Variants in WAC observed in about 807,000 individuals in gnomAD.
The protein encoded by WAC is WW domain containing adaptor with coiled-coil.
In WAC, 11 loss-of-function variants were observed where a neutral mutation model predicts 79.6. The ratio of observed to expected loss-of-function variants is 0.14; its 90% CI spans 0.09 to 0.23. The LOEUF is 0.23. WAC is among the 10% of genes least tolerant of loss of function. The pLI is 1.00. For synonymous variants in WAC, 304 were observed against 276.9 expected, an observed-to-expected ratio of 1.10 and a Z score of -0.97; for missense variants, 728 against 773.5, an observed-to-expected ratio of 0.94 and a Z score of 0.70.
intron 7 of WAC, among the ~76,000 whole-genome samples, chr10:28,605,515 A>T (rs1237065414): frequency 6.6e-6 from 1 of 152,236 alleles, no homozygotes; most frequent in East Asian, 1.9e-4. Context: ...CTTGCCCAAG[A>T]GTCCCATAAA....
rs577530918 is a variant in WAC at position 28,621,010 on chromosome 10, T to C, written c.*1404T>C. On this transcript the variant is annotated 3_prime_UTR_variant, in exon 14 of 14. Coordinates refer to ENST00000354911, the MANE Select transcript of WAC (RefSeq NM_016628.5). ...GCTACTATAAAATTACCTTGACTTT[T>C]TTTTTCCTTTGCTGAAATATTAGTC... 1.1e-4 allele frequency: 17 copies of C among 152,130 alleles called. No homozygotes were observed. Among genetic ancestry groups the C allele is most frequent in the Non-Finnish European group, 2.1e-4 (14 of 68,026 alleles). The allele number at this position is 152,130 out of a possible 1,614,324, so 9.4% of individuals were successfully genotyped here.
chr10:28,601,929 T>G (rs536801243), intron 7 of WAC, among the ~76,000 whole-genome samples: 1 of 152,182 alleles, frequency 6.6e-6, no homozygotes, highest in Non-Finnish European at 1.5e-5. Context: ...AGTTTCTGTT[T>G]GGGAAGATGA....
chr10:28,546,641 A>G (rs1483506900), intron 3 of WAC, among the ~76,000 whole-genome samples: 1 of 152,204 alleles, frequency 6.6e-6, no homozygotes, highest in Non-Finnish European at 1.5e-5. Context: ...TTTTTGTGTA[A>G]TTATGAGAGT....
chr10:28,562,110 T>G (rs1322098347), intron 3 of WAC, among the ~76,000 whole-genome samples: 1 of 152,160 alleles, frequency 6.6e-6, no homozygotes, highest in Non-Finnish European at 1.5e-5. Flanking sequence ...CAGGTTGGAG[T>G]GCAGTGGCGC....
Position 28,622,666 on chromosome 10 carries a change from TTAG to T in WAC, c.*3065_*3067del, listed in dbSNP as rs1331484676. The T allele has an allele frequency of 3.3e-5, 5 of 152,114 alleles. No individual in the cohort carries two copies. The highest frequency in any genetic ancestry group is 7.4e-5 in the Non-Finnish European group (5 of 68,012). 9.4% of individuals were successfully genotyped at this position (152,114 alleles called of 1,614,324 possible). On this transcript the variant is annotated 3_prime_UTR_variant, in exon 14 of 14. Transcript: ENST00000354911. ...ATTATGCTTCTTTTAACAGTCCAAA[TTAG>T]TAGTTTTATTTTTCTTCTAAATCTT...
chr10:28,622,832 C>T lies in WAC; in HGVS notation c.*3226C>T, dbSNP rs945310933. On this transcript the variant is annotated 3_prime_UTR_variant, in exon 14 of 14. Transcript: ENST00000354911. ...CTGTTTGAAAGGGGAGAGGGCAACGCGGGAAATAATTCACTCTGCGCACCG... is the reference window on the plus strand; with the variant it reads ...CTGTTTGAAAGGGGAGAGGGCAACGTGGGAAATAATTCACTCTGCGCACCG... 1.9e-4 allele frequency: 29 copies of T among 152,200 alleles called. No individual in the cohort carries two copies. The highest frequency in any genetic ancestry group is 6.5e-4 in the African/African-American group (27 of 41,524). 9.4% of individuals were successfully genotyped at this position (152,200 alleles called of 1,614,324 possible). A position where few individuals can be genotyped will look rare whatever the true frequency, so the allele number is the denominator to read the frequency against.
intron 1 of WAC, 140 bp from the exon 2 acceptor site, chr10:28,533,858 G>C (rs545823465): frequency 1.7e-6 from 2 of 1,144,014 alleles, no homozygotes; most frequent in African/African-American, 3.2e-5. Flanking sequence ...CCGGGTTTGT[G>C]CCGTGTGCGT....
intron 10 of WAC, 62 bp from the exon 11 acceptor site, chr10:28,614,505 A>AT (rs1841392411): frequency 1.5e-6 from 2 of 1,319,082 alleles, no homozygotes; most frequent in African/African-American, 2.9e-5. Context: ...GATTACCTAG[A>AT]TTTTGGGGGG....
chr10:28,563,810 C>T (rs1251314993), intron 3 of WAC, among the ~76,000 whole-genome samples: 1 of 136,814 alleles, frequency 7.3e-6, no homozygotes, highest in Non-Finnish European at 1.5e-5. Context: ...ACATGTTGGC[C>T]AGGATGGTCG....
intron 3 of WAC, among the ~76,000 whole-genome samples, chr10:28,570,392 A>C (rs1361987655): frequency 6.6e-6 from 1 of 152,210 alleles, no homozygotes; most frequent in Non-Finnish European, 1.5e-5. Context: ...TATGACACTA[A>C]GATTTGTTAT....
intron 3 of WAC, among the ~76,000 whole-genome samples, chr10:28,563,649 C>T (rs369238739): frequency 2.7e-4 from 41 of 151,026 alleles, no homozygotes; most frequent in African/African-American, 8.5e-4. Context: ...GCGCGATCTC[C>T]GCTCACTGCA....
At chr10:28,617,559 CTCTAATCCT>C in intron 12 of WAC, 89 bp from the exon 13 acceptor site, 2 of 1,115,638 alleles carry the variant, frequency 1.8e-6, no homozygotes, top group African/African-American at 3.3e-5. Flanking sequence ...AAGGATTATT[CTCTAATCCT>C]AGTATAAAAT....
intron 2 of WAC, 166 bp from the exon 3 acceptor site, chr10:28,535,396 G>A: frequency 1.3e-6 from 1 of 758,406 alleles, no homozygotes; most frequent in South Asian, 2.4e-5. Flanking sequence ...TAAGCATTAG[G>A]TTTTTTGTCT....
intron 3 of WAC, among the ~76,000 whole-genome samples, chr10:28,546,969 G>T: frequency 6.6e-6 from 1 of 150,446 alleles, no homozygotes. Context: ...TAATTTTCTT[G>T]GCTTTTTGGA....
chr10:28,613,320 C>T (rs1361110900), intron 10 of WAC, among the ~76,000 whole-genome samples: 1 of 152,174 alleles, frequency 6.6e-6, no homozygotes, highest in Non-Finnish European at 1.5e-5. Flanking sequence ...GAGCCAAGAT[C>T]ACGGCACTGC....
intron 3 of WAC, among the ~76,000 whole-genome samples, chr10:28,541,888 G>GCTTT (rs1215625304): frequency 2.0e-5 from 3 of 152,036 alleles, no homozygotes; most frequent in African/African-American, 7.2e-5. Context: ...AGTCCATTTT[G>GCTTT]CTTTGTATGA....
chr10:28,599,255 A>G (rs1840524069), intron 7 of WAC, among the ~76,000 whole-genome samples: 1 of 152,188 alleles, frequency 6.6e-6, no homozygotes. Flanking sequence ...GGTTCAAATC[A>G]GGTTGGCCTG....
intron 3 of WAC, among the ~76,000 whole-genome samples, chr10:28,576,698 T>C (rs1056204307): frequency 6.6e-6 from 1 of 152,176 alleles, no homozygotes; most frequent in Non-Finnish European, 1.5e-5. Context: ...GTTAGACAGT[T>C]CTTTGGGAGA....
intron 3 of WAC, 33 bp from the exon 4 acceptor site, chr10:28,583,366 C>T (rs1177949297): frequency 1.4e-6 from 2 of 1,446,942 alleles, no homozygotes; most frequent in Non-Finnish European, 1.9e-6. Flanking sequence ...ATACAGTTTA[C>T]TTGTAATTCA....
Sources: gnomAD v4.1 joint callset for allele counts (sites outside exome capture counted in the v4.1 genomes callset) on GRCh38, gnomAD v4.1.1 for gene constraint, MANE v1.5 for transcripts, NCBI Gene and HGNC (gene_info 2026-07-23, HGNC 2026-07-21) for gene names.